Variants in TPM2 observed in about 807,000 individuals in gnomAD.
TPM2 encodes the protein tropomyosin 2.
Under a neutral mutation model 41.0 loss-of-function variants are expected in TPM2, and 26 were observed. The ratio of observed to expected loss-of-function variants is 0.63; its 90% CI spans 0.46 to 0.88. TPM2 has a LOEUF of 0.88. Among genes scored for constraint, TPM2 ranks in the 40% least tolerant of loss-of-function variants. TPM2 has a pLI of 0.00. For missense variants in TPM2, 187 were observed against 355.2 expected (o/e 0.53, Z 3.81); for synonymous variants, 143 against 139.3 (o/e 1.03, Z -0.19).
chr9:35,682,442 G>T (rs1824617581), downstream of TPM2: 1 of 1,295,936 alleles, frequency 7.7e-7, no homozygotes, highest in African/African-American at 1.5e-5. Flanking sequence ...GAAGGTTTAA[G>T]GAAGTTGGAG....
downstream of TPM2, chr9:35,682,738 A>G (rs1463117153): frequency 7.6e-7 from 1 of 1,317,780 alleles, no homozygotes; most frequent in African/African-American, 1.5e-5. Flanking sequence ...ACGTGCCCAC[A>G]TGCAGTGGTG....
intron 7 of TPM2, 83 bp downstream of exon 7, chr9:35,684,405 C>A: frequency 6.2e-7 from 1 of 1,611,188 alleles, no homozygotes; most frequent in South Asian, 1.1e-5. Flanking sequence ...CCATCCCAAC[C>A]CTCAAGTGTC....
Position 35,689,875 on chromosome 9 carries a change from G to T in TPM2, c.-58C>A. ...GGTGAGGACCGGACGGACTGGGCTG[G>T]GTGAGCGGACTGGGTGCACCGGTGG... On this transcript the variant is annotated 5_prime_UTR_variant, in exon 1 of 9. Coordinates refer to ENST00000645482, the MANE Select transcript of TPM2 (RefSeq NM_003289.4). 2 of 1,611,090 alleles carry T rather than the reference G, an allele frequency of 1.2e-6. No homozygotes were observed.
In TPM2 at chr9:35,685,805, A is replaced by G; in HGVS notation, c.241-25T>C. 2 of 1,613,932 alleles carry G rather than the reference A, an allele frequency of 1.2e-6. No homozygotes were observed. Among genetic ancestry groups the G allele is most frequent in the Non-Finnish European group, 8.5e-7 (1 of 1,180,028 alleles). On this transcript the variant is annotated intron_variant, in intron 2 of 8. Transcript: ENST00000645482. The surrounding 1 kb of genome is among the most constrained non-coding windows in gnomAD (Gnocchi z 5.0). Reference sequence around the variant, plus strand: ...CCTGTGGGTCAGAGGTCAGGGGTCAAAAAGGCCTTGTTAGCCTTGGATAAG... The same window carrying G: ...CCTGTGGGTCAGAGGTCAGGGGTCAGAAAGGCCTTGTTAGCCTTGGATAAG...
chr9:35,685,852 T>C lies in TPM2; in HGVS notation c.241-72A>G, dbSNP rs1451717311. The stretch of plus-strand genomic sequence containing the variant: ...TAAGGATCAGAGAGGCTCCAGAGGA[T>C]GGCGAGATTCTTCTCAGAAAGAACT... On this transcript the variant is annotated intron_variant, in intron 2 of 8. Transcript: ENST00000645482. The surrounding 1 kb of genome is among the most constrained non-coding windows in gnomAD (Gnocchi z 5.0). 3.1e-6 allele frequency: 5 copies of C among 1,610,188 alleles called. No individual in the cohort carries two copies. Among genetic ancestry groups the C allele is most frequent in the Non-Finnish European group, 4.2e-6 (5 of 1,178,226 alleles).
chr9:35,684,825 CG>C lies in TPM2; in HGVS notation c.564-19del, dbSNP rs3215700. 43 of 1,597,284 alleles carry C rather than the reference CG, an allele frequency of 2.7e-5. No individual in the cohort carries two copies. Among genetic ancestry groups the C allele is most frequent in the Admixed American group, 1.4e-4 (8 of 58,720 alleles). ...CACATTTACTGCAGGGGGTGTGTGG[CG>C]GGGGGGGCAGGGTGTGAGGGCACAG... On this transcript the variant is annotated intron_variant, in intron 5 of 8. Coordinates refer to ENST00000645482, the MANE Select transcript of TPM2 (RefSeq NM_003289.4).
Position 35,685,825 on chromosome 9 carries a change from G to A in TPM2, c.241-45C>T. On this transcript the variant is annotated intron_variant, in intron 2 of 8. Transcript: ENST00000645482. This position sits in a 1 kb window ranked among gnomAD's most constrained non-coding sequence, Gnocchi z 5.0. ...GGTCAAAAAGGCCTTGTTAGCCTTG[G>A]ATAAGGATCAGAGAGGCTCCAGAGG... The A allele has an allele frequency of 6.8e-6, 11 of 1,613,318 alleles. No homozygotes were observed. Among genetic ancestry groups the A allele is most frequent in the Non-Finnish European group, 8.5e-6 (10 of 1,180,028 alleles).
chr9:35,682,309 C>A, downstream of TPM2: 1 of 994,612 alleles, frequency 1.0e-6, no homozygotes, highest in Non-Finnish European at 1.5e-6. Context: ...TTGGCAGGGA[C>A]AAACAGATGG....
rs1825160689 is a variant in TPM2, at chr9:35,689,897, G to T, written c.-80C>A. ...CTGGGTGAGCGGACTGGGTGCACCG[G>T]TGGCAGGCGAGGAGGACGGAGCGGG... is the stretch of plus-strand genomic sequence containing the variant. On this transcript the variant is annotated 5_prime_UTR_variant, in exon 1 of 9. Transcript: ENST00000645482. The T allele has an allele frequency of 2.5e-6, 4 of 1,607,216 alleles. No homozygotes were observed. In the African/African-American group the frequency reaches 4.0e-5, roughly 16 times the overall value.
chr9:35,689,881 C>T lies in TPM2; in HGVS notation c.-64G>A. 2.5e-6 allele frequency: 4 copies of T among 1,609,562 alleles called. No individual in the cohort carries two copies. Among genetic ancestry groups the T allele is most frequent in the Non-Finnish European group, 3.4e-6 (4 of 1,178,434 alleles). ...GACCGGACGGACTGGGCTGGGTGAGCGGACTGGGTGCACCGGTGGCAGGCG... is the reference window on the plus strand; with the variant it reads ...GACCGGACGGACTGGGCTGGGTGAGTGGACTGGGTGCACCGGTGGCAGGCG... On this transcript the variant is annotated 5_prime_UTR_variant, in exon 1 of 9. Coordinates refer to ENST00000645482, the MANE Select transcript of TPM2 (RefSeq NM_003289.4).
intron 2 of TPM2, 44 bp downstream of exon 2, chr9:35,689,102 C>A: frequency 6.2e-7 from 1 of 1,613,316 alleles, no homozygotes; most frequent in Non-Finnish European, 8.5e-7. Context: ...GGGCCCCTTC[C>A]CAGAGCCCTA....
At chr9:35,684,947 C>G in intron 5 of TPM2, 140 bp from the exon 6 acceptor site, 1 of 1,611,506 alleles carries the variant, frequency 6.2e-7, no homozygotes, top group Non-Finnish European at 8.5e-7. Flanking sequence ...GGCTCAGAAG[C>G]CCCAGGCCCT....
chr9:35,685,006 A>G lies in TPM2; in HGVS notation c.564-199T>C. The G allele has an allele frequency of 6.2e-7, 1 of 1,614,124 alleles. No homozygotes were observed. Among genetic ancestry groups the G allele is most frequent in the South Asian group, 1.1e-5 (1 of 91,086 alleles). On this transcript the variant is annotated intron_variant, in intron 5 of 8. Transcript: ENST00000645482. This position sits in a 1 kb window ranked among gnomAD's most constrained non-coding sequence, Gnocchi z 5.0. ...AGAGCAGCCTGCGGTGCTGAGACGGAGGGAAGGTGAGCTGAGAGAAGGCGC... is the reference window on the plus strand; with the variant it reads ...AGAGCAGCCTGCGGTGCTGAGACGGGGGGAAGGTGAGCTGAGAGAAGGCGC...
At chr9:35,682,670 C>G (rs1267005792), downstream of TPM2, 10 of 1,311,198 alleles carry the variant, frequency 7.6e-6, no homozygotes, top group Non-Finnish European at 9.0e-6. Context: ...GGAACCCCAG[C>G]TAAGTGCTCT....
chr9:35,689,306 A>AG (rs764080002), intron 1 of TPM2, 35 bp from the exon 2 acceptor site: 2 of 1,613,236 alleles, frequency 1.2e-6, no homozygotes, highest in South Asian at 2.2e-5. Flanking sequence ...CCAGGCTGGG[A>AG]GGGGGCCCAG....
At chr9:35,689,936 G>A (rs1563932855), upstream of TPM2, 4 of 1,583,524 alleles carry the variant, frequency 2.5e-6, no homozygotes, top group East Asian at 2.3e-5. Flanking sequence ...GGGACGTCCC[G>A]GCCACGCGGG....
Position 35,685,803 on chromosome 9 carries a change from CA to C in TPM2, c.241-24del. ...AGCCTGTGGGTCAGAGGTCAGGGGT[CA>C]AAAAGGCCTTGTTAGCCTTGGATAA... On this transcript the variant is annotated intron_variant, in intron 2 of 8. Transcript: ENST00000645482. This position sits in a 1 kb window ranked among gnomAD's most constrained non-coding sequence, Gnocchi z 5.0. 1 of 1,613,866 alleles carries C rather than the reference CA, an allele frequency of 6.2e-7. No individual in the cohort carries two copies. Among genetic ancestry groups the C allele is most frequent in the Non-Finnish European group, 8.5e-7 (1 of 1,180,032 alleles).
Position 35,686,636 on chromosome 9 carries a change from C to CAA in TPM2, c.241-858_241-857dup, listed in dbSNP as rs11408936. Among the ~76,000 whole-genome samples the CAA allele has an allele frequency of 6.4e-3, 663 of 103,916 alleles. 11 individuals carry two copies. Among genetic ancestry groups the CAA allele is most frequent in the Non-Finnish European group, 7.6e-3 (414 of 54,710 alleles). 68.2% of individuals were successfully genotyped at this position (103,916 alleles called of 152,430 possible). A position where few individuals can be genotyped will look rare whatever the true frequency, so the allele number is the denominator to read the frequency against. ...TGGGAAACATAGCAAGATCCCATCT[C>CAA]AAAAAAAAAAAAAAAAAAAAGTATC... On this transcript the variant is annotated intron_variant, in intron 2 of 8. Coordinates refer to ENST00000645482, the MANE Select transcript of TPM2 (RefSeq NM_003289.4).
At chr9:35,687,086 TAAC>T (rs1460181222) in intron 2 of TPM2, among the ~76,000 whole-genome samples, 2 of 152,170 alleles carry the variant, frequency 1.3e-5, no homozygotes, top group African/African-American at 2.4e-5. Context: ...AAGTTGGAGT[TAAC>T]AATAACAGTT....
Sources: gnomAD v4.1 joint callset for allele counts (sites outside exome capture counted in the v4.1 genomes callset) on GRCh38, gnomAD v4.1.1 for gene constraint, Gnocchi (gnomAD v3.1) non-coding constraint, MANE v1.5 for transcripts, NCBI Gene and HGNC (gene_info 2026-07-23, HGNC 2026-07-21) for gene names.